UBAC2: variants seen among roughly 807,000 people sequenced by gnomAD.
UBAC2 encodes UBA domain containing 2.
UBAC2 carries 26 observed loss-of-function variants against 44.0 expected under a neutral mutation model. That is an observed-to-expected ratio of 0.59 (90% confidence interval 0.43 to 0.82). The LOEUF (loss-of-function observed/expected upper bound fraction) is 0.82. UBAC2 is among the 40% of genes least tolerant of loss of function. The pLI is 0.00. For missense variants in UBAC2, 329 were observed against 419.4 expected (o/e 0.78, Z 1.88); for synonymous variants, 155 against 154.3 (o/e 1.00, Z -0.04).
intron 6 of UBAC2, among the ~76,000 whole-genome samples, chr13:99,321,823 T>TA (rs1479127294): frequency 1.3e-5 from 2 of 152,210 alleles, no homozygotes; most frequent in African/African-American, 4.8e-5. Flanking sequence ...GTTTTTAGCT[T>TA]ACAGGAGCAA....
At chr13:99,298,663 A>G (rs1242944607) in intron 4 of UBAC2, among the ~76,000 whole-genome samples, 1 of 152,176 alleles carries the variant, frequency 6.6e-6, no homozygotes, top group African/African-American at 2.4e-5. Context: ...AAGACAATAA[A>G]TATCAGTTTT....
chr13:99,330,321 T>TG (rs1317430439), intron 6 of UBAC2, among the ~76,000 whole-genome samples: 1 of 151,566 alleles, frequency 6.6e-6, no homozygotes, highest in Non-Finnish European at 1.5e-5. Flanking sequence ...TAGCCAGGCT[T>TG]GGTGGCGGAT....
intron 8 of UBAC2, among the ~76,000 whole-genome samples, chr13:99,373,224 A>G (rs1160974470): frequency 6.6e-6 from 1 of 150,700 alleles, no homozygotes; most frequent in Non-Finnish European, 1.5e-5. Flanking sequence ...ACCCATACTC[A>G]AAATTAACAA....
At chr13:99,292,047 G>A (rs1163073005) in intron 4 of UBAC2, among the ~76,000 whole-genome samples, 3 of 152,038 alleles carry the variant, frequency 2.0e-5, no homozygotes, top group South Asian at 2.1e-4. Flanking sequence ...TAAAGCAGTC[G>A]AGGCTTCTAA....
intron 4 of UBAC2, among the ~76,000 whole-genome samples, chr13:99,247,237 C>T (rs1226074961): frequency 3.3e-5 from 5 of 150,376 alleles, no homozygotes; most frequent in Admixed American, 6.6e-5. Context: ...TTTCTTGAGA[C>T]GGAGTCTCGC....
In UBAC2 at chr13:99,373,168, ATTG is replaced by A. The variant is rs772271862; in HGVS notation, c.927+5265_927+5267del. On this transcript the variant is annotated intron_variant, in intron 8 of 8. Transcript: ENST00000403766. ...CCATTATTCCATCTCTCTCTTTTTT[ATTG>A]TTTTTTTTTTTTTTTTTAAACAGGT... Among the ~76,000 whole-genome samples the A allele has an allele frequency of 4.9e-3, 411 of 83,332 alleles. 3 individuals are homozygous for A. The highest frequency in any genetic ancestry group is 6.5e-3 in the Non-Finnish European group (230 of 35,322). 54.7% of individuals were successfully genotyped at this position (83,332 alleles called of 152,430 possible).
rs546174591 is a variant in UBAC2, at chr13:99,241,670, A to G, written c.160-2162A>G. On this transcript the variant is annotated intron_variant, in intron 2 of 8. Transcript: ENST00000403766. ...AATAGATAGTGGTGATGGGTGTACA[A>G]TATTGTGAATTTGCTTAATACCACT... is the stretch of plus-strand genomic sequence containing the variant. Among the ~76,000 whole-genome samples the G allele has an allele frequency of 3.0e-3, 452 of 152,000 alleles. 2 individuals are homozygous for G. The highest frequency in any genetic ancestry group is 5.2e-3 in the Non-Finnish European group (354 of 67,952).
chr13:99,315,351 C>T (rs1231721214), intron 5 of UBAC2, among the ~76,000 whole-genome samples: 1 of 152,190 alleles, frequency 6.6e-6, no homozygotes, highest in African/African-American at 2.4e-5. Flanking sequence ...AGACCTCCCT[C>T]AGGAGACCCA....
chr13:99,247,835 T>C (rs1440007394), intron 4 of UBAC2, among the ~76,000 whole-genome samples: 3 of 151,992 alleles, frequency 2.0e-5, no homozygotes, highest in African/African-American at 7.2e-5. Context: ...ATCTGCACTC[T>C]CTATAGTTCT....
intron 1 of UBAC2, among the ~76,000 whole-genome samples, chr13:99,213,623 G>A (rs2042959015): frequency 6.6e-6 from 1 of 151,990 alleles, no homozygotes; most frequent in Admixed American, 6.5e-5. Flanking sequence ...GCCTCCCAGA[G>A]TGCTGGGATT....
At position 99,312,622 on chromosome 13, in the gene UBAC2, G is replaced by A. The variant is rs562977137; in HGVS notation, c.390-1475G>A. ...CAGTGGTGAAACTGACATAGCTTGGGGGCCACGAGGAGAGCCACCAGCTGC... is the reference window on the plus strand; with the variant it reads ...CAGTGGTGAAACTGACATAGCTTGGAGGCCACGAGGAGAGCCACCAGCTGC... On this transcript the variant is annotated intron_variant, in intron 4 of 8. Transcript: ENST00000403766. 4.6e-5 allele frequency among the ~76,000 whole-genome samples: 7 copies of A among 152,284 alleles called. No homozygotes were observed. In the East Asian group the frequency reaches 1.4e-3, roughly 29 times the overall value.
chr13:99,342,543 C>T lies in UBAC2; in HGVS notation c.807+1978C>T, dbSNP rs543661826. The stretch of plus-strand genomic sequence containing the variant: ...TGCTCCATAGTGGCAGGAGATAGGT[C>T]GGCCTAGGTGAGGGGGACCCACACA... On this transcript the variant is annotated intron_variant, in intron 7 of 8. Transcript: ENST00000403766. 8.5e-5 allele frequency among the ~76,000 whole-genome samples: 13 copies of T among 152,160 alleles called. No individual in the cohort carries two copies. In the East Asian group the frequency reaches 2.5e-3, roughly 29 times the overall value.
At chr13:99,337,777 T>C (rs1480605660) in intron 6 of UBAC2, among the ~76,000 whole-genome samples, 1 of 152,148 alleles carries the variant, frequency 6.6e-6, no homozygotes, top group African/African-American at 2.4e-5. Flanking sequence ...ACACAGCTTT[T>C]CCCTTCTCTC....
intron 4 of UBAC2, chr13:99,254,819 C>T (rs146455146): frequency 2.6e-4 from 349 of 1,333,084 alleles, no homozygotes; most frequent in Admixed American, 4.1e-4. Flanking sequence ...TATCCATTGA[C>T]GCCAGAGTAG....
chr13:99,352,881 C>T (rs775055576), intron 7 of UBAC2, among the ~76,000 whole-genome samples: 2 of 152,192 alleles, frequency 1.3e-5, no homozygotes, highest in Non-Finnish European at 2.9e-5. Flanking sequence ...CTACCTCCGT[C>T]TCCACCCCTG....
intron 4 of UBAC2, among the ~76,000 whole-genome samples, chr13:99,278,762 T>A (rs1254685717): frequency 6.6e-6 from 1 of 152,194 alleles, no homozygotes; most frequent in Non-Finnish European, 1.5e-5. Context: ...TTGATAGGGT[T>A]ATATCTGTTT....
chr13:99,228,749 A>G (rs1003054392), intron 1 of UBAC2, among the ~76,000 whole-genome samples: 23 of 152,110 alleles, frequency 1.5e-4, no homozygotes, highest in African/African-American at 4.8e-4. Flanking sequence ...TCTACTTTTG[A>G]ATTACGAGGC....
intron 5 of UBAC2, among the ~76,000 whole-genome samples, chr13:99,316,513 A>C (rs1044716343): frequency 6.6e-6 from 1 of 152,188 alleles, no homozygotes; most frequent in East Asian, 1.9e-4. Context: ...TTGAGAGCCC[A>C]TAACATCATG....
intron 4 of UBAC2, among the ~76,000 whole-genome samples, chr13:99,268,670 A>G (rs1201600389): frequency 1.3e-5 from 2 of 151,756 alleles, no homozygotes; most frequent in Non-Finnish European, 2.9e-5. Context: ...GAGAGAGAAC[A>G]TTAGGTCTTT....
Sources: gnomAD v4.1 joint callset for allele counts (sites outside exome capture counted in the v4.1 genomes callset) on GRCh38, gnomAD v4.1.1 for gene constraint, MANE v1.5 for transcripts, NCBI Gene and HGNC (gene_info 2026-07-23, HGNC 2026-07-21) for gene names.